The following HEMK2 variants were observed in gnomAD, a reference collection of about 807,000 sequenced individuals.
The protein encoded by HEMK2 is HemK methyltransferase 2, ETF1 glutamine and histone H4 lysine, also known as methyltransferase HEMK2.
At chr21:28,669,364 A>C in the HEMK2 span, among the ~76,000 whole-genome samples, 1 of 152,162 alleles carries the variant, frequency 6.6e-6, no homozygotes, top group East Asian at 1.9e-4. Context: ...AAAAAGGAAG[A>C]GAATAAACTG....
chr21:28,698,891 C>T, the HEMK2 span, among the ~76,000 whole-genome samples: 1 of 152,188 alleles, frequency 6.6e-6, no homozygotes, highest in African/African-American at 2.4e-5. Context: ...ATCTTGCATA[C>T]CTACCCCGAC....
At chr21:28,703,759 G>A in the HEMK2 span, among the ~76,000 whole-genome samples, 1 of 152,272 alleles carries the variant, frequency 6.6e-6, no homozygotes, top group East Asian at 1.9e-4. Context: ...GAACAGGAAA[G>A]AACATTGTTT....
the HEMK2 span, among the ~76,000 whole-genome samples, chr21:28,713,668 G>T: frequency 6.6e-6 from 1 of 152,060 alleles, no homozygotes; most frequent in Non-Finnish European, 1.5e-5. Context: ...ACCAAACCAG[G>T]TCTCCCTATT....
the HEMK2 span, among the ~76,000 whole-genome samples, chr21:28,722,853 C>T: frequency 6.6e-6 from 1 of 152,100 alleles, no homozygotes; most frequent in Non-Finnish European, 1.5e-5. Context: ...CATTGCACTC[C>T]AGCCTGGGCA....
chr21:28,680,011 A>G, the HEMK2 span, among the ~76,000 whole-genome samples: 2 of 152,204 alleles, frequency 1.3e-5, no homozygotes, highest in Non-Finnish European at 2.9e-5. Flanking sequence ...AAGGGCAAAC[A>G]CATTCAAAAG....
At chr21:28,713,805 G>T in the HEMK2 span, among the ~76,000 whole-genome samples, 1 of 152,226 alleles carries the variant, frequency 6.6e-6, no homozygotes, top group African/African-American at 2.4e-5. Context: ...AGGGGCTTAA[G>T]AAATAAGTGT....
At chr21:28,733,055 G>A in the HEMK2 span, among the ~76,000 whole-genome samples, 2 of 152,098 alleles carry the variant, frequency 1.3e-5, no homozygotes, top group Admixed American at 6.6e-5. Flanking sequence ...TGAGGCGGGT[G>A]GATCACAAGG....
the HEMK2 span, among the ~76,000 whole-genome samples, chr21:28,709,034 A>G: frequency 6.6e-6 from 1 of 152,114 alleles, no homozygotes; most frequent in Non-Finnish European, 1.5e-5. Flanking sequence ...CAGGTTGCAG[A>G]CTGTCATCAA....
At chr21:28,862,909 G>A in the HEMK2 span, among the ~76,000 whole-genome samples, 7 of 152,152 alleles carry the variant, frequency 4.6e-5, no homozygotes, top group Non-Finnish European at 7.3e-5. Flanking sequence ...CTGGTTGTAC[G>A]AAGGATAGTT....
chr21:28,589,088 T>C, the HEMK2 span, among the ~76,000 whole-genome samples: 1 of 152,056 alleles, frequency 6.6e-6, no homozygotes, highest in East Asian at 1.9e-4. Flanking sequence ...TATAATTTCA[T>C]TTATGTAAAC....
the HEMK2 span, among the ~76,000 whole-genome samples, chr21:28,790,858 G>C: frequency 2.0e-5 from 3 of 148,662 alleles, no homozygotes; most frequent in East Asian, 6.1e-4. Context: ...GGGAGGGATA[G>C]CATTAGGAGA....
At chr21:28,624,890 C>T in the HEMK2 span, among the ~76,000 whole-genome samples, 66 of 152,310 alleles carry the variant, frequency 4.3e-4, no homozygotes, top group African/African-American at 1.5e-3. Flanking sequence ...TAGGCCTAGG[C>T]GAGGCTTCTC....
At chr21:28,657,700 CAACTCATCCATACTTATGATAT>C in the HEMK2 span, among the ~76,000 whole-genome samples, 1 of 152,030 alleles carries the variant, frequency 6.6e-6, no homozygotes. Flanking sequence ...GTTTGTACTT[CAACTCATCCATACTTATGATAT>C]AATCCCCAAA....
chr21:28,698,645 G>A, the HEMK2 span, among the ~76,000 whole-genome samples: 3 of 152,150 alleles, frequency 2.0e-5, no homozygotes, highest in Admixed American at 1.3e-4. Flanking sequence ...GCAATTTTAT[G>A]AAGGATTGAA....
At chr21:28,801,243 G>A in the HEMK2 span, among the ~76,000 whole-genome samples, 9 of 152,316 alleles carry the variant, frequency 5.9e-5, no homozygotes, top group African/African-American at 1.7e-4. Flanking sequence ...GGGGAAAGGT[G>A]CTACTCAATA....
At chr21:28,724,706 A>G in the HEMK2 span, among the ~76,000 whole-genome samples, 1 of 149,954 alleles carries the variant, frequency 6.7e-6, no homozygotes, top group Non-Finnish European at 1.5e-5. Flanking sequence ...ATCTGACTTT[A>G]GTATGCCTCT....
chr21:28,591,588 A>G, the HEMK2 span, among the ~76,000 whole-genome samples: 1 of 152,180 alleles, frequency 6.6e-6, no homozygotes, highest in African/African-American at 2.4e-5. Flanking sequence ...ACATGTGCAG[A>G]TTGTTTATAC....
the HEMK2 span, among the ~76,000 whole-genome samples, chr21:28,737,900 G>C: frequency 2.0e-4 from 31 of 152,318 alleles, no homozygotes; most frequent in South Asian, 2.5e-3. Flanking sequence ...ATGAGAGGAT[G>C]ACCTACGAAG....
At chr21:28,673,965 G>A in the HEMK2 span, among the ~76,000 whole-genome samples, 2 of 152,180 alleles carry the variant, frequency 1.3e-5, no homozygotes, top group African/African-American at 2.4e-5. Flanking sequence ...GGTAAAATGA[G>A]GCTGAAACCT....
Sources: gnomAD v4.1 joint callset for allele counts (sites outside exome capture counted in the v4.1 genomes callset) on GRCh38, gnomAD v4.1.1 for gene constraint, MANE v1.5 for transcripts, NCBI Gene and HGNC (gene_info 2026-07-23, HGNC 2026-07-21) for gene names.